Variants in GRIK4 observed in about 807,000 individuals in gnomAD.
GRIK4 encodes the protein glutamate receptor ionotropic, kainate 4.
In GRIK4, 40 loss-of-function variants were observed where a neutral mutation model predicts 104.9. The ratio of observed to expected loss-of-function variants is 0.38; its 90% CI spans 0.30 to 0.50. GRIK4 has a LOEUF of 0.50. GRIK4 is among the 20% of genes least tolerant of loss of function. The pLI is 0.93. For missense variants in GRIK4, 1,047 were observed against 1,308.1 expected, an observed-to-expected ratio of 0.80 and a Z score of 3.08; for synonymous variants, 485 against 524.9, an observed-to-expected ratio of 0.92 and a Z score of 1.04.
At position 120,943,940 on chromosome 11, in the gene GRIK4, C is replaced by CA. The variant is rs1267250683; in HGVS notation, c.1590+3481dup. On this transcript the variant is annotated intron_variant, in intron 14 of 20. Coordinates refer to ENST00000527524, the MANE Select transcript of GRIK4 (RefSeq NM_014619.5). The stretch of plus-strand genomic sequence containing the variant: ...GATTATCTAGGCATTTTCATGAACA[C>CA]AGATCATCAACAGTTGATTGTGGGA... 2.0e-5 allele frequency among the ~76,000 whole-genome samples: 3 copies of CA among 152,308 alleles called. No individual in the cohort carries two copies. In the East Asian group the frequency reaches 5.8e-4, roughly 29 times the overall value.
intron 1 of GRIK4, among the ~76,000 whole-genome samples, chr11:120,589,193 A>AGAAT (rs1178512209): frequency 2.0e-5 from 3 of 152,216 alleles, no homozygotes; most frequent in Admixed American, 2.0e-4. Flanking sequence ...AATAGGCTCA[A>AGAAT]GAATTTGCAT....
chr11:120,604,967 A>G (rs1351262756), intron 1 of GRIK4, among the ~76,000 whole-genome samples: 3 of 152,162 alleles, frequency 2.0e-5, no homozygotes, highest in Non-Finnish European at 4.4e-5. Context: ...GCTTTAAGAA[A>G]TTATCCTGTC....
intron 13 of GRIK4, among the ~76,000 whole-genome samples, chr11:120,932,144 G>T (rs959662210): frequency 1.4e-5 from 2 of 145,260 alleles, no homozygotes; most frequent in African/African-American, 5.2e-5. Context: ...CACAGCACAC[G>T]TGCAATTTTA....
chr11:120,578,294 A>G (rs1196042960), intron 1 of GRIK4, among the ~76,000 whole-genome samples: 1 of 152,160 alleles, frequency 6.6e-6, no homozygotes, highest in Non-Finnish European at 1.5e-5. Context: ...AGGGAGAGGA[A>G]AGGGGAGGTG....
chr11:120,899,633 T>G (rs1019443629), intron 12 of GRIK4, among the ~76,000 whole-genome samples: 1 of 152,138 alleles, frequency 6.6e-6, no homozygotes, highest in African/African-American at 2.4e-5. Flanking sequence ...ATAAGTCAAG[T>G]GCATACATGG....
At chr11:120,633,089 T>C (rs1051544354) in intron 1 of GRIK4, among the ~76,000 whole-genome samples, 2 of 152,030 alleles carry the variant, frequency 1.3e-5, no homozygotes, top group Non-Finnish European at 2.9e-5. Context: ...TTGCCTTGGG[T>C]GGCAGCTGCC....
intron 1 of GRIK4, among the ~76,000 whole-genome samples, chr11:120,634,792 C>T (rs1337203412): frequency 6.6e-6 from 1 of 152,144 alleles, no homozygotes; most frequent in African/African-American, 2.4e-5. Context: ...ATTCACCTTG[C>T]CAGGGCTTCC....
At chr11:120,543,066 C>A (rs1292069347) in intron 1 of GRIK4, among the ~76,000 whole-genome samples, 1 of 152,110 alleles carries the variant, frequency 6.6e-6, no homozygotes, top group Non-Finnish European at 1.5e-5. Context: ...TACAAGTGTA[C>A]CCCCGTACAC....
intron 3 of GRIK4, among the ~76,000 whole-genome samples, chr11:120,714,387 C>T (rs1269696541): frequency 3.9e-5 from 6 of 152,136 alleles, no homozygotes; most frequent in Non-Finnish European, 1.5e-5. Flanking sequence ...TTAATCCACT[C>T]GCGCTATTTA....
intron 6 of GRIK4, among the ~76,000 whole-genome samples, chr11:120,822,422 T>A (rs1233226829): frequency 2.0e-5 from 3 of 152,080 alleles, no homozygotes; most frequent in African/African-American, 7.2e-5. Flanking sequence ...TGGATTTGAA[T>A]CCAGATTCTG....
intron 3 of GRIK4, among the ~76,000 whole-genome samples, chr11:120,747,048 A>T (rs1591860671): frequency 6.6e-6 from 1 of 152,204 alleles, no homozygotes; most frequent in African/African-American, 2.4e-5. Context: ...GTAAGCACTC[A>T]GTAATTGGTA....
At chr11:120,667,084 T>C (rs1332924105) in intron 3 of GRIK4, among the ~76,000 whole-genome samples, 1 of 152,226 alleles carries the variant, frequency 6.6e-6, no homozygotes, top group Non-Finnish European at 1.5e-5. Context: ...GCCTCAAATG[T>C]GGTATTGGAC....
At chr11:120,593,557 C>T (rs1017712452) in intron 1 of GRIK4, among the ~76,000 whole-genome samples, 1 of 152,056 alleles carries the variant, frequency 6.6e-6, no homozygotes, top group Non-Finnish European at 1.5e-5. Flanking sequence ...CCCCTTTACT[C>T]CTGTCTAAAT....
In GRIK4 at chr11:120,952,993, A is replaced by ACATCGC. The variant is rs1156490019; in HGVS notation, c.1700+31_1700+32insTCGCCA. On this transcript the variant is annotated intron_variant, in intron 15 of 20. Coordinates refer to ENST00000527524, the MANE Select transcript of GRIK4 (RefSeq NM_014619.5). This position sits in a 1 kb window ranked among gnomAD's most constrained non-coding sequence, Gnocchi z 5.2. ...CTCTCCTCTTCCCTTCCCTGTCCTT[A>ACATCGC]CACCGCCACCTCGTGTCCACCTCTG... 7.4e-7 allele frequency: 1 copy of ACATCGC among 1,356,486 alleles called. No homozygotes were observed. Among genetic ancestry groups the ACATCGC allele is most frequent in the Non-Finnish European group, 1.0e-6 (1 of 954,052 alleles). 84.0% of individuals were successfully genotyped at this position (1,356,486 alleles called of 1,614,324 possible).
intron 1 of GRIK4, among the ~76,000 whole-genome samples, chr11:120,532,436 G>A (rs1245609789): frequency 1.3e-5 from 2 of 152,320 alleles, no homozygotes; most frequent in Admixed American, 1.3e-4. Flanking sequence ...CTCTCAGAGG[G>A]GGAGAGGGTA....
Position 120,902,754 on chromosome 11 carries a change from C to A in GRIK4, c.1273-2536C>A, listed in dbSNP as rs1024952771. ...GGGAGTTCTGAGACATGGGTTGGCACAGAAGGAGGCAGTGTGACTCTGCGG... is the reference window on the plus strand; with the variant it reads ...GGGAGTTCTGAGACATGGGTTGGCAAAGAAGGAGGCAGTGTGACTCTGCGG... On this transcript the variant is annotated intron_variant, in intron 12 of 20. Transcript: ENST00000527524. The surrounding 1 kb of genome is among the most constrained non-coding windows in gnomAD (Gnocchi z 4.5). Among the ~76,000 whole-genome samples the A allele has an allele frequency of 1.3e-5, 2 of 152,072 alleles. No homozygotes were observed. The highest frequency in any genetic ancestry group is 2.9e-5 in the Non-Finnish European group (2 of 68,028).
chr11:120,752,573 T>A (rs1951575764), intron 3 of GRIK4, among the ~76,000 whole-genome samples: 1 of 152,246 alleles, frequency 6.6e-6, no homozygotes, highest in African/African-American at 2.4e-5. Flanking sequence ...GTTGGCCTGA[T>A]GCCCCTTAAA....
chr11:120,897,619 A>AAAAAAAAAAAAAAAAAAAAT (rs1942620119), intron 11 of GRIK4, among the ~76,000 whole-genome samples: 1 of 144,838 alleles, frequency 6.9e-6, no homozygotes, highest in Non-Finnish European at 1.5e-5. Flanking sequence ...AAAAAAAAAA[A>AAAAAAAAAAAAAAAAAAAAT]AAAAAAAAGA....
At chr11:120,891,647 A>C (rs571960887) in intron 11 of GRIK4, among the ~76,000 whole-genome samples, 1 of 152,182 alleles carries the variant, frequency 6.6e-6, no homozygotes, top group African/African-American at 2.4e-5. Context: ...GGCTCTAGGG[A>C]TAAAAGGGCA....
Sources: allele counts gnomAD v4.1 joint callset (sites outside exome capture counted in the v4.1 genomes callset), GRCh38; gene constraint gnomAD v4.1.1; non-coding constraint Gnocchi (gnomAD v3.1); transcripts MANE v1.5; gene names NCBI Gene and HGNC (gene_info 2026-07-23, HGNC 2026-07-21).